Variants in SPAG16 observed in about 807,000 individuals in gnomAD.
The protein encoded by SPAG16 is sperm-associated antigen 16 protein.
In SPAG16, 86 loss-of-function variants were observed where a neutral mutation model predicts 80.4. The ratio of observed to expected loss-of-function variants is 1.07; its 90% CI spans 0.90 to 1.28. The LOEUF (loss-of-function observed/expected upper bound fraction) is 1.28, where lower values mean the gene tolerates loss of function less well. SPAG16 is among the 50% of genes most tolerant of loss of function. The probability of loss-of-function intolerance (pLI) is 0.00; values close to 1 mark genes in which losing one functional copy is unlikely to be tolerated. For missense variants in SPAG16, 870 were observed against 765.3 expected (o/e 1.14, Z -1.61); for synonymous variants, 294 against 265.9 (o/e 1.11, Z -1.03).
At chr2:213,403,141 C>G (rs1371263058) in intron 9 of SPAG16, among the ~76,000 whole-genome samples, 1 of 152,110 alleles carries the variant, frequency 6.6e-6, no homozygotes, top group South Asian at 2.1e-4. Flanking sequence ...GAGATGGTAT[C>G]TCATTGTGGT....
At chr2:213,536,416 A>G (rs927820098) in intron 10 of SPAG16, among the ~76,000 whole-genome samples, 1 of 152,172 alleles carries the variant, frequency 6.6e-6, no homozygotes, top group Non-Finnish European at 1.5e-5. Context: ...TGACTTCCAC[A>G]AGGGTTGAAG....
intron 11 of SPAG16, among the ~76,000 whole-genome samples, chr2:213,872,708 GA>G (rs1243163163): frequency 6.6e-6 from 1 of 152,112 alleles, no homozygotes; most frequent in Non-Finnish European, 1.5e-5. Context: ...CGTTAAGTAT[GA>G]TGTTAGTTGT....
At chr2:214,398,817 T>G (rs370340202) in intron 15 of SPAG16, among the ~76,000 whole-genome samples, 35 of 152,300 alleles carry the variant, frequency 2.3e-4, no homozygotes, top group African/African-American at 7.7e-4. Flanking sequence ...TAGAGGAAAT[T>G]TTATAGACAT....
intron 10 of SPAG16, among the ~76,000 whole-genome samples, chr2:213,695,428 A>G (rs2065118689): frequency 6.6e-6 from 1 of 152,198 alleles, no homozygotes; most frequent in Non-Finnish European, 1.5e-5. Context: ...TCATATATTA[A>G]TCACCTAGTT....
At chr2:214,394,863 T>G (rs1701276183) in intron 15 of SPAG16, among the ~76,000 whole-genome samples, 1 of 152,234 alleles carries the variant, frequency 6.6e-6, no homozygotes, top group Non-Finnish European at 1.5e-5. Context: ...GCTCTGCCTA[T>G]TCATCCCTAC....
intron 10 of SPAG16, among the ~76,000 whole-genome samples, chr2:213,781,896 CT>C (rs1274540002): frequency 1.3e-5 from 2 of 152,136 alleles, no homozygotes; most frequent in East Asian, 3.9e-4. Context: ...CTCCAAAATC[CT>C]TTTGGAAAAT....
rs1441941323 is a variant in SPAG16 at position 213,841,180 on chromosome 2, C to A, written c.1071-21305C>A. The stretch of plus-strand genomic sequence containing the variant: ...GAGAGGGGGAAAGAAAGAGTATGTT[C>A]ATTTGTATGTCACAACCCACCCCTA... On this transcript the variant is annotated intron_variant, in intron 10 of 15. Coordinates refer to ENST00000331683, the MANE Select transcript of SPAG16 (RefSeq NM_024532.5). Among the ~76,000 whole-genome samples the A allele has an allele frequency of 2.0e-5, 3 of 151,964 alleles. 1 individual carries two copies. The East Asian group carries it at 5.8e-4, about 29-fold the overall frequency.
Position 213,661,090 on chromosome 2 carries a change from C to G in SPAG16, c.1070+171000C>G, listed in dbSNP as rs562781221. Among the ~76,000 whole-genome samples the G allele has an allele frequency of 1.3e-3, 198 of 152,224 alleles. 1 individual carries two copies. Among genetic ancestry groups the G allele is most frequent in the Non-Finnish European group, 2.6e-3 (177 of 68,020 alleles). On this transcript the variant is annotated intron_variant, in intron 10 of 15. Transcript: ENST00000331683. ...ACTCCAACATATAGGTAGCCTTGGT[C>G]CATGGTGGTGCTAGGTCTCTGGTTG...
intron 10 of SPAG16, among the ~76,000 whole-genome samples, chr2:213,702,489 C>T (rs1378771670): frequency 1.3e-5 from 2 of 152,218 alleles, no homozygotes; most frequent in African/African-American, 4.8e-5. Flanking sequence ...GAACAAACAA[C>T]TCCAGCCACA....
At chr2:214,012,280 ATATATATATTTT>A (rs2047331718) in intron 12 of SPAG16, among the ~76,000 whole-genome samples, 1 of 46,386 alleles carries the variant, frequency 2.2e-5, no homozygotes, top group Non-Finnish European at 3.8e-5. Context: ...ATATATATAT[ATATATATATTTT>A]TTTTTTTTTT....
chr2:213,702,195 A>G (rs954559595), intron 10 of SPAG16, among the ~76,000 whole-genome samples: 1 of 152,152 alleles, frequency 6.6e-6, no homozygotes, highest in African/African-American at 2.4e-5. Flanking sequence ...TGTAAAGTGG[A>G]CCAATCAGCT....
At chr2:213,288,395 C>G (rs528919401) in intron 1 of SPAG16, among the ~76,000 whole-genome samples, 1 of 152,290 alleles carries the variant, frequency 6.6e-6, no homozygotes, top group Admixed American at 6.5e-5. Context: ...AGCTCTGCCT[C>G]CCGGATTCGT....
At chr2:213,782,373 G>A (rs1407053432) in intron 10 of SPAG16, among the ~76,000 whole-genome samples, 1 of 152,096 alleles carries the variant, frequency 6.6e-6, no homozygotes, top group Non-Finnish European at 1.5e-5. Flanking sequence ...TTTATATAGT[G>A]AGGTATGGTA....
chr2:214,313,622 A>C (rs1426074253), intron 15 of SPAG16, among the ~76,000 whole-genome samples: 2 of 152,088 alleles, frequency 1.3e-5, no homozygotes, highest in Admixed American at 6.5e-5. Flanking sequence ...ATTAACATTC[A>C]CTAGTTTAAA....
intron 10 of SPAG16, among the ~76,000 whole-genome samples, chr2:213,789,109 T>C (rs2070527622): frequency 6.6e-6 from 1 of 151,950 alleles, no homozygotes; most frequent in South Asian, 2.1e-4. Context: ...ATCACCATAA[T>C]TGTACTGAAG....
intron 12 of SPAG16, among the ~76,000 whole-genome samples, chr2:213,998,298 G>A (rs1416140034): frequency 6.6e-6 from 1 of 152,140 alleles, no homozygotes; most frequent in Non-Finnish European, 1.5e-5. Flanking sequence ...GTTCTGGGAG[G>A]ACCAGGTGGG....
intron 10 of SPAG16, among the ~76,000 whole-genome samples, chr2:213,600,145 T>C (rs926615745): frequency 6.6e-6 from 1 of 151,976 alleles, no homozygotes; most frequent in Non-Finnish European, 1.5e-5. Flanking sequence ...TTAATTTGGC[T>C]TTATATAAAA....
chr2:213,644,979 C>T (rs190848140), intron 10 of SPAG16, among the ~76,000 whole-genome samples: 67 of 152,328 alleles, frequency 4.4e-4, no homozygotes, highest in Non-Finnish European at 7.9e-4. Flanking sequence ...GTTCCAAAGG[C>T]ACTGTCCAGG....
chr2:213,732,231 G>A (rs2067080601), intron 10 of SPAG16, among the ~76,000 whole-genome samples: 1 of 152,080 alleles, frequency 6.6e-6, no homozygotes, highest in African/African-American at 2.4e-5. Flanking sequence ...TTGTAGATGA[G>A]TGGTCTTATT....
Sources: gnomAD v4.1 joint callset for allele counts (sites outside exome capture counted in the v4.1 genomes callset) on GRCh38, gnomAD v4.1.1 for gene constraint, MANE v1.5 for transcripts, NCBI Gene and HGNC (gene_info 2026-07-23, HGNC 2026-07-21) for gene names.